Variants in CYLC2 observed in about 807,000 individuals in gnomAD.
CYLC2 encodes cylicin 2.
A neutral mutation model predicts 26.1 loss-of-function variants in CYLC2; 30 were observed. That is an observed-to-expected ratio of 1.15 (90% CI 0.86 to 1.56). CYLC2 has a LOEUF of 1.56. Among genes scored for constraint, CYLC2 ranks in the 40% most tolerant of loss-of-function variants. CYLC2 has a pLI of 0.00. For missense variants in CYLC2, 498 were observed against 394.4 expected, an observed-to-expected ratio of 1.26 and a Z score of -2.23; for synonymous variants, 158 against 132.8, an observed-to-expected ratio of 1.19 and a Z score of -1.31.
At chr9:103,009,136 A>G (rs1281599363) in intron 5 of CYLC2, among the ~76,000 whole-genome samples, 1 of 152,156 alleles carries the variant, frequency 6.6e-6, no homozygotes, top group Non-Finnish European at 1.5e-5. Context: ...TTCTCCTAGA[A>G]CATCACACTG....
At chr9:103,014,147 T>A (rs1829458014) in intron 6 of CYLC2, among the ~76,000 whole-genome samples, 1 of 119,358 alleles carries the variant, frequency 8.4e-6, no homozygotes, top group Admixed American at 9.6e-5. Context: ...ATTAAATATA[T>A]TATTTAATAT....
At position 103,005,430 on chromosome 9, in the gene CYLC2, A is replaced by G. The variant is rs1829334203; in HGVS notation, c.799A>G (p.Ile267Val). Residue 267 changes from isoleucine (I) to valine (V), a missense_variant, in exon 5 of 8, where the codon ATT (isoleucine) becomes GTT (valine). Ile to Val is a conservative substitution (Grantham distance 29). Transcript: ENST00000374798. The stretch of plus-strand genomic sequence containing the variant: ...GGATGCCAAGAAAGATGCAAAGGAG[A>G]TTAAAAAAGGTAAGAAAGATAAGAA... ...SKDAKKDAKEIKKGKKDKKKP... is the reference protein window; with the variant it reads ...SKDAKKDAKEVKKGKKDKKKP... 1 of 1,613,596 alleles carries G rather than the reference A, an allele frequency of 6.2e-7. No individual in the cohort carries two copies. The highest frequency in any genetic ancestry group is 8.5e-7 in the Non-Finnish European group (1 of 1,179,896).
At chr9:103,009,664 A>ATT (rs1321189681) in intron 5 of CYLC2, among the ~76,000 whole-genome samples, 1 of 151,880 alleles carries the variant, frequency 6.6e-6, no homozygotes, top group South Asian at 2.1e-4. Context: ...GGTCTTATTC[A>ATT]TTTTTTTCTA....
intron 6 of CYLC2, among the ~76,000 whole-genome samples, chr9:103,015,842 C>T (rs1428315842): frequency 6.7e-6 from 1 of 150,360 alleles, no homozygotes; most frequent in Non-Finnish European, 1.5e-5. Context: ...ATCTATTATA[C>T]TATTCCACTC....
At chr9:103,006,598 T>C (rs1429664769) in intron 5 of CYLC2, among the ~76,000 whole-genome samples, 1 of 151,974 alleles carries the variant, frequency 6.6e-6, no homozygotes, top group Non-Finnish European at 1.5e-5. Flanking sequence ...GTATTTTTAG[T>C]AGAGACGGGG....
chr9:103,010,768 C>G (rs1455649395), intron 5 of CYLC2: 2 of 152,106 alleles, frequency 1.3e-5, no homozygotes, highest in African/African-American at 4.8e-5. Context: ...TCTCCTCCTA[C>G]TACTGTTCCT....
Position 103,015,509 on chromosome 9 carries a change from T to C in CYLC2, c.*817-1379T>C, listed in dbSNP as rs1426740717. Among the ~76,000 whole-genome samples the C allele has an allele frequency of 7.1e-5, 10 of 140,990 alleles. No homozygotes were observed. The East Asian group carries it at 2.0e-3, about 28-fold the overall frequency. 92.5% of individuals were successfully genotyped at this position (140,990 alleles called of 152,430 possible). On this transcript the variant is annotated intron_variant, in intron 6 of 7. Coordinates refer to ENST00000374798, the MANE Select transcript of CYLC2 (RefSeq NM_001340.5). ...TGTAATTATATAACATATAAATATA[T>C]ATAATACATGTTTATATATAAATAT...
chr9:102,999,448 C>T (rs993338984), intron 1 of CYLC2, among the ~76,000 whole-genome samples: 1 of 151,744 alleles, frequency 6.6e-6, no homozygotes, highest in African/African-American at 2.4e-5. Flanking sequence ...TTTACTTCTT[C>T]CTTTTCAATC....
chr9:103,014,465 T>C (rs547110537), intron 6 of CYLC2, among the ~76,000 whole-genome samples: 1,795 of 135,172 alleles, frequency 0.013, 12 homozygotes, highest in Middle Eastern at 0.025. Flanking sequence ...GTATATTACG[T>C]AATATACATA....
intron 6 of CYLC2, among the ~76,000 whole-genome samples, chr9:103,014,954 T>A (rs1829480113): frequency 7.6e-6 from 1 of 132,172 alleles, no homozygotes; most frequent in Non-Finnish European, 1.6e-5. Flanking sequence ...ATACATGTAA[T>A]ATACATATTC....
At chr9:103,008,687 A>G (rs1829376041) in intron 5 of CYLC2, among the ~76,000 whole-genome samples, 1 of 152,138 alleles carries the variant, frequency 6.6e-6, no homozygotes, top group Admixed American at 6.6e-5. Flanking sequence ...CCTGCCTACT[A>G]GTAGTAAGTC....
intron 6 of CYLC2, among the ~76,000 whole-genome samples, chr9:103,013,374 T>C (rs1829438896): frequency 9.2e-6 from 1 of 108,910 alleles, no homozygotes; most frequent in East Asian, 2.8e-4. Flanking sequence ...ATATATTTAA[T>C]ATATTATATA....
intron 6 of CYLC2, among the ~76,000 whole-genome samples, chr9:103,013,462 A>G (rs1413521002): frequency 9.2e-6 from 1 of 109,030 alleles, no homozygotes; most frequent in African/African-American, 3.8e-5. Context: ...TTTATCTATT[A>G]TATATTATAT....
intron 3 of CYLC2, among the ~76,000 whole-genome samples, chr9:103,004,068 A>AT (rs1384704848): frequency 1.3e-5 from 2 of 152,130 alleles, no homozygotes; most frequent in African/African-American, 4.8e-5. Flanking sequence ...GAGATTAGCT[A>AT]TTTTTGCCAT....
rs767771773 is a variant in CYLC2 at position 103,004,702 on chromosome 9, A to G, written c.188A>G (p.Asp63Gly). ...ATTGTAACCATCTTTCAGATAATTG[A>G]TGAAGAACAATTAAGAGGAGATCGT... ...QIRDNTVSIIDEEQLRGDRRQ... is the reference protein window; with the variant it reads ...QIRDNTVSIIGEEQLRGDRRQ... Residue 63 changes from aspartate to glycine, a missense_variant, in exon 4 of 8, where the codon GAT (aspartate) becomes GGT (glycine). Transcript: ENST00000374798. The G allele has an allele frequency of 2.6e-5, 41 of 1,588,264 alleles. No individual in the cohort carries two copies. Among genetic ancestry groups the G allele is most frequent in the Non-Finnish European group, 3.2e-5 (38 of 1,171,092 alleles).
At chr9:103,002,588 G>A (rs1295749725) in intron 2 of CYLC2, among the ~76,000 whole-genome samples, 6 of 151,818 alleles carry the variant, frequency 4.0e-5, no homozygotes, top group East Asian at 3.9e-4. Context: ...TCCTGACCTC[G>A]TGATCAGCCC....
intron 6 of CYLC2, among the ~76,000 whole-genome samples, chr9:103,016,386 TTGCCATGGAAGATCTA>T (rs1483611956): frequency 6.6e-6 from 1 of 152,028 alleles, no homozygotes; most frequent in Non-Finnish European, 1.5e-5. Context: ...CTCTAGCACA[TTGCCATGGAAGATCTA>T]TGCCTGCTGC....
rs2298051 is a variant in CYLC2 at position 103,005,254 on chromosome 9, G to A, written c.623G>A (p.Gly208Asp). The A allele has an allele frequency of 9.7e-3, 15,655 of 1,613,134 alleles. 790 individuals carry two copies. The East Asian group carries it at 0.17, about 18-fold the overall frequency. ...KGKDSATESE[G>D]EKGGTEKDSK... ...AAAGACTCGGCAACAGAATCTGAAG[G>A]TGAAAAAGGAGGTACAGAGAAAGAT... Residue 208 changes from glycine (G) to aspartate (D), a missense_variant, in exon 5 of 8, where the codon GGT (glycine) becomes GAT (aspartate). Coordinates refer to ENST00000374798, the MANE Select transcript of CYLC2 (RefSeq NM_001340.5).
rs772088258 is a variant in CYLC2 at position 103,005,138 on chromosome 9, G to T, written c.507G>T (p.Glu169Asp). 2.5e-6 allele frequency: 4 copies of T among 1,607,466 alleles called. No homozygotes were observed. Among genetic ancestry groups the T allele is most frequent in the Non-Finnish European group, 3.4e-6 (4 of 1,177,966 alleles). ...KDSKKGKKDAEKGKDSATESE... is the reference protein window; with the variant it reads ...KDSKKGKKDADKGKDSATESE... ...GCAAAAAAGGTAAAAAGGATGCAGA[G>T]AAGGGCAAAGACTCAGCAACAGAAT... Residue 169 changes from glutamate (E) to aspartate (D), a missense_variant, in exon 5 of 8, where the codon GAG becomes GAT. Coordinates refer to ENST00000374798, the MANE Select transcript of CYLC2 (RefSeq NM_001340.5).
Sources: gnomAD v4.1 joint callset for allele counts (sites outside exome capture counted in the v4.1 genomes callset) on GRCh38, gnomAD v4.1.1 for gene constraint, MANE v1.5 for transcripts, NCBI Gene and HGNC (gene_info 2026-07-23, HGNC 2026-07-21) for gene names.